Variants in IFT122 observed in about 807,000 individuals in gnomAD.
IFT122 encodes the protein intraflagellar transport 122.
In IFT122, 118 loss-of-function variants were observed where a neutral mutation model predicts 161.6. The observed-to-expected ratio is 0.73, with a 90% CI of 0.63 to 0.85. The LOEUF (loss-of-function observed/expected upper bound fraction) is 0.85, where lower values mean the gene tolerates loss of function less well. Among genes scored for constraint, IFT122 ranks in the 40% least tolerant of loss-of-function variants. The pLI, the probability that IFT122 is intolerant of heterozygous loss-of-function variation, is 0.00. For synonymous variants in IFT122, 550 were observed against 602.4 expected, an observed-to-expected ratio of 0.91 and a Z score of 1.27; for missense variants, 1,381 against 1,579.6, an observed-to-expected ratio of 0.87 and a Z score of 2.13.
chr3:129,502,788 T>C lies in IFT122; in HGVS notation c.2453T>C (p.Leu818Pro). Residue 818 changes from leucine to proline, a missense_variant, in exon 20 of 30, where the codon CTG becomes CCG. Leu to Pro is a moderately conservative substitution (Grantham distance 98, BLOSUM62 -3). Coordinates refer to ENST00000348417, the MANE Select transcript of IFT122 (RefSeq NM_052989.3). ...LLLCATYLKK[L>P]DSPGYAAETY... The stretch of plus-strand genomic sequence containing the variant: ...CTGTGCGCTACCTACCTCAAGAAGC[T>C]GGACAGCCCTGGCTATGCTGCTGAG... The C allele has an allele frequency of 6.2e-7, 1 of 1,613,120 alleles. No homozygotes were observed.
chr3:129,461,228 G>A lies in IFT122; in HGVS notation c.273G>A (p.Thr91=). The part of the protein sequence containing the change: ...TSKLEGILKY[T]HNDAIQCVSY... Reference sequence around the variant, plus strand: ...TAATCTACAGTTGTTTACTTCCCAGGCACAATGATGCTATACAATGTGTCT... The same window carrying A: ...TAATCTACAGTTGTTTACTTCCCAGACACAATGATGCTATACAATGTGTCT... Residue 91 remains threonine, a splice_region_variant and synonymous_variant, in exon 5 of 30, where the codon ACG becomes ACA. Transcript: ENST00000348417. 1 of 1,610,316 alleles carries A rather than the reference G, an allele frequency of 6.2e-7. No individual in the cohort carries two copies.
At chr3:129,512,161 A>C (rs116070998) in intron 23 of IFT122, 151 bp from the exon 24 acceptor site, 458 of 734,466 alleles carry the variant, frequency 6.2e-4, no homozygotes, top group Non-Finnish European at 1.0e-3. Context: ...GACAGTGGCT[A>C]TATGGCGCTC....
intron 16 of IFT122, among the ~76,000 whole-genome samples, chr3:129,489,655 C>T (rs1234060344): frequency 6.6e-6 from 1 of 151,810 alleles, no homozygotes; most frequent in Admixed American, 6.6e-5. Flanking sequence ...CTGGCTAACA[C>T]GGTGAAACCC....
At chr3:129,478,435 T>TTTATG (rs2078226785) in intron 12 of IFT122, among the ~76,000 whole-genome samples, 1 of 152,136 alleles carries the variant, frequency 6.6e-6, no homozygotes, top group South Asian at 2.1e-4. Flanking sequence ...GTTTTTTTGT[T>TTTATG]TTATTTTATT....
intron 1 of IFT122, among the ~76,000 whole-genome samples, chr3:129,449,027 G>A (rs1057177226): frequency 4.6e-5 from 7 of 152,124 alleles, no homozygotes; most frequent in African/African-American, 1.7e-4. Context: ...TTTGCAGCTC[G>A]ATTTTTCAGG....
rs1219827500 is a variant in IFT122 at position 129,484,511 on chromosome 3, C to T, written c.1851+829C>T. Among the ~76,000 whole-genome samples, 3 of 152,224 alleles carry T rather than the reference C, an allele frequency of 2.0e-5. No homozygotes were observed. The East Asian group carries it at 5.8e-4, about 29-fold the overall frequency. Reference sequence around the variant, plus strand: ...ACATTTTTAAACAAAAGTGGAATCACACTGCAAATACTTTTCATGACTTTT... The same window carrying T: ...ACATTTTTAAACAAAAGTGGAATCATACTGCAAATACTTTTCATGACTTTT... On this transcript the variant is annotated intron_variant, in intron 15 of 29. Transcript: ENST00000348417.
At chr3:129,451,852 C>A in intron 2 of IFT122, 62 bp from the exon 3 acceptor site, 1 of 1,359,684 alleles carries the variant, frequency 7.4e-7, no homozygotes, top group Non-Finnish European at 1.1e-6. Flanking sequence ...GCAGTAGCAA[C>A]CCTGCAGGAA....
chr3:129,504,436 C>T lies in IFT122; in HGVS notation c.2650+15C>T. On this transcript the variant is annotated intron_variant, in intron 21 of 29. Coordinates refer to ENST00000348417, the MANE Select transcript of IFT122 (RefSeq NM_052989.3). ...AGCCCAGAAAGGTAGGCAACACAGA[C>T]TGTCACCTTCTAGAAGGAGCAGGAG... 1 of 1,595,482 alleles carries T rather than the reference C, an allele frequency of 6.3e-7. No individual in the cohort carries two copies. The highest frequency in any genetic ancestry group is 8.6e-7 in the Non-Finnish European group (1 of 1,163,128).
At chr3:129,499,405 C>T (rs1388345218) in intron 18 of IFT122, among the ~76,000 whole-genome samples, 2 of 141,680 alleles carry the variant, frequency 1.4e-5, no homozygotes, top group East Asian at 2.4e-4. Context: ...GGAACCCATG[C>T]TCAGCCTCAC....
At chr3:129,469,960 T>C (rs2077194633) in intron 9 of IFT122, among the ~76,000 whole-genome samples, 1 of 152,126 alleles carries the variant, frequency 6.6e-6, no homozygotes, top group Non-Finnish European at 1.5e-5. Context: ...AATAGAAAGC[T>C]GTACAGATAG....
rs752961918 is a variant in IFT122, at chr3:129,506,494, T to C, written c.2736T>C (p.Asn912=). 8 of 1,614,140 alleles carry C rather than the reference T, an allele frequency of 5.0e-6. No homozygotes were observed. In the African/African-American group the frequency reaches 8.0e-5, roughly 16 times the overall value. ...ATGCCGTGGCGGAGAGCAGGTTTAA[T>C]GATGCTGCCTATTATTACTGGATGC... ...TNNAVAESRF[N]DAAYYYWMLS... Residue 912 remains asparagine (N), a synonymous_variant, in exon 22 of 30, where the codon AAT becomes AAC. Transcript: ENST00000348417.
chr3:129,500,299 A>G (rs1007313256), intron 19 of IFT122, among the ~76,000 whole-genome samples: 3 of 152,242 alleles, frequency 2.0e-5, no homozygotes, highest in Non-Finnish European at 4.4e-5. Context: ...ACACCGGGAC[A>G]TCACAGCTGC....
At chr3:129,440,508 C>G in intron 1 of IFT122, 137 bp downstream of exon 1, 2 of 1,048,528 alleles carry the variant, frequency 1.9e-6, no homozygotes, top group Non-Finnish European at 2.9e-6. Flanking sequence ...TGGGAGACTG[C>G]AGGGTCGCCC....
At chr3:129,514,068 G>T in intron 24 of IFT122, 1 of 414,188 alleles carries the variant, frequency 2.4e-6, no homozygotes, top group African/African-American at 2.0e-5. Context: ...GGGCCTGGCT[G>T]GCAGGTTTGG....
chr3:129,491,082 C>T (rs142131566), intron 16 of IFT122, among the ~76,000 whole-genome samples: 1 of 152,220 alleles, frequency 6.6e-6, no homozygotes, highest in East Asian at 1.9e-4. Context: ...GGACAGGGGC[C>T]GAGACATGTT....
chr3:129,467,154 C>A (rs1184519538), intron 8 of IFT122, 88 bp downstream of exon 8: 1 of 1,281,264 alleles, frequency 7.8e-7, no homozygotes, highest in Non-Finnish European at 1.1e-6. Context: ...ACTCTTTGGC[C>A]AAGGGAGTGC....
chr3:129,447,200 C>T (rs2074119210), intron 1 of IFT122, among the ~76,000 whole-genome samples: 1 of 152,142 alleles, frequency 6.6e-6, no homozygotes, highest in African/African-American at 2.4e-5. Flanking sequence ...CAGCCAGTGA[C>T]ACAGCCCTCA....
At position 129,517,509 on chromosome 3, in the gene IFT122, C is replaced by A. The variant is rs369902676; in HGVS notation, c.3306C>A (p.Ile1102=). ...TTGAGTTCTACCTGGAGGAAGGGATCACTGATGAAGAAGCCATCTCCCTCA... is the reference window on the plus strand; with the variant it reads ...TTGAGTTCTACCTGGAGGAAGGGATAACTGATGAAGAAGCCATCTCCCTCA... ...HLVEFYLEEG[I]TDEEAISLID... The change falls in exon 27 of 30, where the codon ATC becomes ATA. Residue 1102 remains isoleucine, a synonymous_variant. Transcript: ENST00000348417. 1.4e-5 allele frequency: 23 copies of A among 1,614,030 alleles called. No homozygotes were observed. The highest frequency in any genetic ancestry group is 1.9e-5 in the Non-Finnish European group (23 of 1,179,934).
intron 23 of IFT122, among the ~76,000 whole-genome samples, chr3:129,510,385 C>T (rs1578107043): frequency 6.6e-6 from 1 of 152,182 alleles, no homozygotes; most frequent in Non-Finnish European, 1.5e-5. Context: ...TCTAGTGTTA[C>T]ATCTCTTCCC....
Sources: allele counts gnomAD v4.1 joint callset (sites outside exome capture counted in the v4.1 genomes callset), GRCh38; gene constraint gnomAD v4.1.1; transcripts MANE v1.5; gene names NCBI Gene and HGNC (gene_info 2026-07-23, HGNC 2026-07-21).